Variants in KCNK10 observed in about 807,000 individuals in gnomAD.
KCNK10 encodes potassium two pore domain channel subfamily K member 10.
A neutral mutation model predicts 47.7 loss-of-function variants in KCNK10; 25 were observed. That is an observed-to-expected ratio of 0.52 (90% CI 0.38 to 0.73). The LOEUF is 0.73. Ranked by LOEUF, KCNK10 falls within the 30% of genes least tolerant of loss-of-function variation. The pLI is 0.00. For synonymous variants in KCNK10, 303 were observed against 285.6 expected, an observed-to-expected ratio of 1.06 and a Z score of -0.61; for missense variants, 563 against 714.5, an observed-to-expected ratio of 0.79 and a Z score of 2.42.
In KCNK10 at chr14:88,181,925, A is replaced by C. The variant is rs546632054; in HGVS notation, c.*3610T>G. On this transcript the variant is annotated 3_prime_UTR_variant, in exon 7 of 7. Transcript: ENST00000319231. ...TGATGTGCAGACAAGGTAACAAGAG[A>C]TCTAGGCAGAGAACTGATGCACCCA... 21 of 152,286 alleles carry C rather than the reference A, an allele frequency of 1.4e-4. No individual in the cohort carries two copies. Among genetic ancestry groups the C allele is most frequent in the African/African-American group, 5.1e-4 (21 of 41,462 alleles). The allele number at this position is 152,286 out of a possible 1,614,324, so 9.4% of individuals were successfully genotyped here.
At chr14:88,249,899 C>T (rs770824536) in intron 2 of KCNK10, among the ~76,000 whole-genome samples, 3 of 152,066 alleles carry the variant, frequency 2.0e-5, no homozygotes, top group Non-Finnish European at 4.4e-5. Context: ...AACATAGCAC[C>T]TGCTTCATTA....
intron 1 of KCNK10, among the ~76,000 whole-genome samples, chr14:88,285,393 T>C (rs1887738956): frequency 6.6e-6 from 1 of 152,246 alleles, no homozygotes; most frequent in Admixed American, 6.5e-5. Flanking sequence ...ATTATAGGCC[T>C]GAGCCACTGT....
chr14:88,283,941 TC>T (rs777372641), intron 1 of KCNK10, among the ~76,000 whole-genome samples: 1 of 152,148 alleles, frequency 6.6e-6, no homozygotes, highest in Non-Finnish European at 1.5e-5. Context: ...CTTTTGGTGT[TC>T]CATACTGCTC....
intron 2 of KCNK10, among the ~76,000 whole-genome samples, chr14:88,255,560 GGGTCT>G (rs1886929720): frequency 1.3e-5 from 2 of 151,100 alleles, no homozygotes; most frequent in Non-Finnish European, 2.9e-5. Flanking sequence ...AAAATTAGCT[GGGTCT>G]GGTGGTATCC....
intron 4 of KCNK10, among the ~76,000 whole-genome samples, chr14:88,202,211 G>A (rs1885124453): frequency 6.6e-6 from 1 of 152,194 alleles, no homozygotes; most frequent in Non-Finnish European, 1.5e-5. Context: ...TGTGGTGTAT[G>A]GTAAATGATT....
intron 4 of KCNK10, among the ~76,000 whole-genome samples, chr14:88,206,687 C>CA (rs1566685062): frequency 6.6e-6 from 1 of 152,214 alleles, no homozygotes; most frequent in Non-Finnish European, 1.5e-5. Context: ...TGCCAAGACT[C>CA]ACTGCTTCAG....
In KCNK10 at chr14:88,322,280, A is replaced by G. The variant is rs978585755; in HGVS notation, c.52+467T>C. ...GCCCACCCCTAGGGACGGCTGCTGC[A>G]ACTCGAGCCCCACTTGCTGCCAGGA... On this transcript the variant is annotated intron_variant, in intron 1 of 6. Transcript: ENST00000319231. This position sits in a 1 kb window ranked among gnomAD's most constrained non-coding sequence, Gnocchi z 4.8. Among the ~76,000 whole-genome samples the G allele has an allele frequency of 6.6e-6, 1 of 152,132 alleles. No individual in the cohort carries two copies. Among genetic ancestry groups the G allele is most frequent in the African/African-American group, 2.4e-5 (1 of 41,428 alleles).
At chr14:88,211,365 C>T (rs1885451342) in intron 4 of KCNK10, among the ~76,000 whole-genome samples, 1 of 152,080 alleles carries the variant, frequency 6.6e-6, no homozygotes. Flanking sequence ...AGGAAATGAG[C>T]AGTTATTATT....
intron 3 of KCNK10, among the ~76,000 whole-genome samples, chr14:88,240,017 A>G (rs10147868): frequency 0.63 from 96,405 of 152,014 alleles, 31,090 homozygotes; most frequent in East Asian, 0.77. Context: ...AGAGGTCATC[A>G]CTGTTCACTC....
intron 3 of KCNK10, among the ~76,000 whole-genome samples, chr14:88,238,616 G>GT (rs1369701605): frequency 1.3e-5 from 2 of 152,218 alleles, no homozygotes; most frequent in Non-Finnish European, 2.9e-5. Context: ...CAAGGCTGCA[G>GT]TGAACCATGA....
intron 1 of KCNK10, among the ~76,000 whole-genome samples, chr14:88,282,514 T>C (rs554145550): frequency 6.6e-6 from 1 of 152,220 alleles, no homozygotes; most frequent in Non-Finnish European, 1.5e-5. Context: ...CGGATAGCCA[T>C]GCCATACCTC....
intron 1 of KCNK10, among the ~76,000 whole-genome samples, chr14:88,320,170 C>G (rs758127045): frequency 7.2e-5 from 11 of 152,134 alleles, no homozygotes; most frequent in African/African-American, 2.7e-4. Flanking sequence ...AACACTTATA[C>G]CATCAGATAA....
At chr14:88,292,761 T>C (rs1887908997) in intron 1 of KCNK10, among the ~76,000 whole-genome samples, 1 of 152,114 alleles carries the variant, frequency 6.6e-6, no homozygotes, top group Non-Finnish European at 1.5e-5. Context: ...GCCTCCCGAG[T>C]AGCTGGGACT....
intron 2 of KCNK10, among the ~76,000 whole-genome samples, chr14:88,256,950 T>C (rs1436430217): frequency 2.0e-5 from 3 of 152,280 alleles, no homozygotes; most frequent in East Asian, 3.9e-4. Context: ...CAACATGATA[T>C]TTGCCCAATT....
chr14:88,181,388 AGG>A lies in KCNK10; in HGVS notation c.*4145_*4146del, dbSNP rs1884342176. 8.7e-6 allele frequency: 1 copy of A among 114,300 alleles called. No individual in the cohort carries two copies. Among genetic ancestry groups the A allele is most frequent in the African/African-American group, 3.4e-5 (1 of 29,832 alleles). 7.1% of individuals were successfully genotyped at this position (114,300 alleles called of 1,614,324 possible). On this transcript the variant is annotated 3_prime_UTR_variant, in exon 7 of 7. Transcript: ENST00000319231. ...TAGAACCCAAAGCAGCCATTTCCTC[AGG>A]TGTGTGTGTGTGTGTGTATGTGTGC...
chr14:88,208,751 A>G (rs1044512661), intron 4 of KCNK10, among the ~76,000 whole-genome samples: 5 of 152,148 alleles, frequency 3.3e-5, no homozygotes, highest in African/African-American at 1.2e-4. Flanking sequence ...TATTTTAACC[A>G]CATGATATCT....
rs1183579820 is a variant in KCNK10 at position 88,240,938 on chromosome 14, A to G, written c.403-118T>C. 9.9e-6 allele frequency: 6 copies of G among 607,644 alleles called. No individual in the cohort carries two copies. The African/African-American group carries it at 1.1e-4, about 11-fold the overall frequency. 37.6% of individuals were successfully genotyped at this position (607,644 alleles called of 1,614,324 possible). ...CCTACTCAAGAACCTGCAGTGATCTAGAGAGAACTGGTTAAGTGGATGATG... is the reference window on the plus strand; with the variant it reads ...CCTACTCAAGAACCTGCAGTGATCTGGAGAGAACTGGTTAAGTGGATGATG... On this transcript the variant is annotated intron_variant, in intron 2 of 6. Transcript: ENST00000319231.
intron 3 of KCNK10, among the ~76,000 whole-genome samples, chr14:88,237,872 G>C (rs1397654052): frequency 6.6e-6 from 1 of 152,188 alleles, no homozygotes; most frequent in Admixed American, 6.5e-5. Context: ...TCAACATAAA[G>C]TCACCAGCTG....
upstream of KCNK10, among the ~76,000 whole-genome samples, chr14:88,324,757 A>G (rs1370881585): frequency 1.3e-5 from 2 of 152,152 alleles, no homozygotes; most frequent in African/African-American, 4.8e-5. Flanking sequence ...ATGCTACTCT[A>G]CGGCACCTTG....
Sources: gnomAD v4.1 joint callset for allele counts (sites outside exome capture counted in the v4.1 genomes callset) on GRCh38, gnomAD v4.1.1 for gene constraint, Gnocchi (gnomAD v3.1) non-coding constraint, MANE v1.5 for transcripts, NCBI Gene and HGNC (gene_info 2026-07-23, HGNC 2026-07-21) for gene names.